The following TMEM117 variants were observed in gnomAD, a reference collection of about 807,000 sequenced individuals.
The protein encoded by TMEM117 is transmembrane protein 117.
Under a neutral mutation model 52.4 loss-of-function variants are expected in TMEM117, and 27 were observed. The observed-to-expected ratio is 0.51, with a 90% CI of 0.38 to 0.71. TMEM117 has a LOEUF of 0.71. Among genes scored for constraint, TMEM117 ranks in the 30% least tolerant of loss-of-function variants. TMEM117 has a pLI of 0.00. For missense variants in TMEM117, 556 were observed against 630.5 expected, an observed-to-expected ratio of 0.88 and a Z score of 1.26; for synonymous variants, 215 against 206.3, an observed-to-expected ratio of 1.04 and a Z score of -0.36.
At chr12:44,185,134 GATTT>G (rs1949259749) in intron 4 of TMEM117, among the ~76,000 whole-genome samples, 1 of 152,114 alleles carries the variant, frequency 6.6e-6, no homozygotes, top group African/African-American at 2.4e-5. Flanking sequence ...GGTAATCATT[GATTT>G]ATTTGTCTGT....
At chr12:43,898,119 A>G (rs1944241808) in intron 2 of TMEM117, among the ~76,000 whole-genome samples, 1 of 151,586 alleles carries the variant, frequency 6.6e-6, no homozygotes, top group Admixed American at 6.6e-5. Context: ...CTCTTTACTT[A>G]TTGGCATCTG....
At chr12:43,822,694 G>C in the TMEM117 span, among the ~76,000 whole-genome samples, 3 of 151,954 alleles carry the variant, frequency 2.0e-5, no homozygotes, top group African/African-American at 7.3e-5. Context: ...TCCTATAGTA[G>C]ACAGTAAATT....
intron 5 of TMEM117, among the ~76,000 whole-genome samples, chr12:44,215,292 T>C (rs145859852): frequency 6.6e-6 from 1 of 152,316 alleles, no homozygotes; most frequent in Non-Finnish European, 1.5e-5. Flanking sequence ...TTTTCAGTGA[T>C]AGGTGTCTCT....
At chr12:44,124,533 G>A in intron 3 of TMEM117, among the ~76,000 whole-genome samples, 1 of 152,192 alleles carries the variant, frequency 6.6e-6, no homozygotes, top group Admixed American at 6.5e-5. Flanking sequence ...GATATTGGCT[G>A]TGGGTTTGTC....
downstream of TMEM117, among the ~76,000 whole-genome samples, chr12:44,392,669 C>T (rs1297586299): frequency 7.2e-6 from 1 of 139,076 alleles, no homozygotes; most frequent in Non-Finnish European, 1.6e-5. Context: ...GCTATCCCTC[C>T]CCCCTCCCCC....
At chr12:44,236,450 T>TATTTGGCA (rs1298844102) in intron 5 of TMEM117, among the ~76,000 whole-genome samples, 1 of 152,166 alleles carries the variant, frequency 6.6e-6, no homozygotes, top group Non-Finnish European at 1.5e-5. Context: ...TTTCTATTTG[T>TATTTGGCA]GTTTTTGTCA....
chr12:43,912,510 TATATATA>T lies in TMEM117; in HGVS notation c.278-31699_278-31693del, dbSNP rs1944527682. Among the ~76,000 whole-genome samples the T allele has an allele frequency of 2.7e-4, 4 of 14,780 alleles. 1 individual carries two copies. The East Asian group carries it at 0.074, about 274-fold the overall frequency. 9.7% of individuals were successfully genotyped at this position (14,780 alleles called of 152,430 possible). On this transcript the variant is annotated intron_variant, in intron 2 of 7. Transcript: ENST00000266534. ...CTTAAAGTATAATAATAATAATTTA[TATATATA>T]TATATATATATATATATATGGCAGA...
intron 6 of TMEM117, among the ~76,000 whole-genome samples, chr12:44,369,076 C>A (rs1951827956): frequency 6.6e-6 from 1 of 152,134 alleles, no homozygotes; most frequent in African/African-American, 2.4e-5. Context: ...AGATGTTAAG[C>A]ACTCTTTCCT....
At chr12:44,370,811 T>C (rs1052706993) in intron 6 of TMEM117, among the ~76,000 whole-genome samples, 1 of 152,046 alleles carries the variant, frequency 6.6e-6, no homozygotes, top group African/African-American at 2.4e-5. Flanking sequence ...GATTGTTATA[T>C]ATCTTTAACC....
chr12:44,207,934 C>T (rs1949591752), intron 4 of TMEM117, among the ~76,000 whole-genome samples: 1 of 152,072 alleles, frequency 6.6e-6, no homozygotes, highest in Admixed American at 6.6e-5. Flanking sequence ...TTCTCTTCCT[C>T]CATTGCTGAA....
At chr12:44,058,028 C>A (rs890608311) in intron 3 of TMEM117, among the ~76,000 whole-genome samples, 1 of 152,138 alleles carries the variant, frequency 6.6e-6, no homozygotes, top group African/African-American at 2.4e-5. Flanking sequence ...ATTGCTGAAG[C>A]ATTTTTAAAT....
At chr12:44,282,922 G>A (rs567420269) in intron 5 of TMEM117, among the ~76,000 whole-genome samples, 1 of 152,372 alleles carries the variant, frequency 6.6e-6, no homozygotes, top group South Asian at 2.1e-4. Flanking sequence ...GCAGCCTAGG[G>A]ACTTGGTGCC....
In TMEM117 at chr12:44,299,692, T is replaced by C. The variant is rs749613978; in HGVS notation, c.721T>C (p.Phe241Leu). ...GCCCAGTGATGAAGTTTCCAGAGCA[T>C]TCCTTGCTTCTTTTATCTTGGTCTT... The part of the protein sequence containing the change: ...FLPSDEVSRA[F>L]LASFILVFDL... Residue 241 changes from phenylalanine to leucine, a missense_variant, in exon 6 of 8, where the codon TTC (phenylalanine) becomes CTC (leucine). Physicochemically the swap from Phe to Leu is conservative, Grantham distance 22. This residue lies in a region of TMEM117 where 328 missense variants were observed against 371.4 expected (regional missense o/e 0.88). Coordinates refer to ENST00000266534, the MANE Select transcript of TMEM117 (RefSeq NM_032256.3). 1.2e-6 allele frequency: 2 copies of C among 1,614,218 alleles called. No homozygotes were observed. The highest frequency in any genetic ancestry group is 2.2e-5 in the South Asian group (2 of 91,086).
the TMEM117 span, among the ~76,000 whole-genome samples, chr12:43,829,604 GA>G: frequency 6.6e-6 from 1 of 152,150 alleles, no homozygotes; most frequent in East Asian, 1.9e-4. Context: ...TTTGAAGAAA[GA>G]AAAAGATCAT....
At chr12:44,241,681 A>G (rs543311685) in intron 5 of TMEM117, among the ~76,000 whole-genome samples, 10 of 151,934 alleles carry the variant, frequency 6.6e-5, no homozygotes, top group African/African-American at 2.4e-4. Flanking sequence ...AATTTGTCAT[A>G]TGTTATGAGA....
At chr12:43,822,020 A>G in the TMEM117 span, among the ~76,000 whole-genome samples, 1 of 152,224 alleles carries the variant, frequency 6.6e-6, no homozygotes, top group Admixed American at 6.5e-5. Flanking sequence ...ATGAGGAAGC[A>G]AAAGATGATG....
chr12:43,833,631 T>TA (rs999799680), upstream of TMEM117, among the ~76,000 whole-genome samples: 1 of 151,528 alleles, frequency 6.6e-6, no homozygotes, highest in Non-Finnish European at 1.5e-5. Flanking sequence ...TCTACAGAAT[T>TA]AAAAAAAATT....
chr12:44,197,595 C>T (rs918752569), intron 4 of TMEM117, among the ~76,000 whole-genome samples: 4 of 152,054 alleles, frequency 2.6e-5, no homozygotes, highest in Non-Finnish European at 5.9e-5. Flanking sequence ...TTCTAAATTA[C>T]AATTCAATGT....
At chr12:44,033,712 C>G (rs1167403822) in intron 3 of TMEM117, among the ~76,000 whole-genome samples, 3 of 152,176 alleles carry the variant, frequency 2.0e-5, no homozygotes, top group East Asian at 1.9e-4. Flanking sequence ...AAAAAATCTT[C>G]TAAGTGTAGA....
Sources: gnomAD v4.1 joint callset for allele counts (sites outside exome capture counted in the v4.1 genomes callset) on GRCh38, gnomAD v4.1.1 for gene constraint, gnomAD v4.1.1 regional missense constraint, MANE v1.5 for transcripts, NCBI Gene and HGNC (gene_info 2026-07-23, HGNC 2026-07-21) for gene names.